PALM2AKAP2: variants seen among roughly 807,000 people sequenced by gnomAD.
The protein encoded by PALM2AKAP2 is PALM2-AKAP2 fusion protein.
Under a neutral mutation model 71.5 loss-of-function variants are expected in PALM2AKAP2, and 37 were observed. That is an observed-to-expected ratio of 0.52 (90% confidence interval 0.40 to 0.68). The LOEUF (loss-of-function observed/expected upper bound fraction) is 0.68, where lower values mean the gene tolerates loss of function less well. PALM2AKAP2 is among the 30% of genes least tolerant of loss of function. The pLI, the probability that PALM2AKAP2 is intolerant of heterozygous loss-of-function variation, is 0.00. For synonymous variants in PALM2AKAP2, 468 were observed against 478.8 expected (o/e 0.98, Z 0.29); for missense variants, 1,224 against 1,191.8 (o/e 1.03, Z -0.40).
chr9:109,698,370 C>T lies in PALM2AKAP2; in HGVS notation c.5+57504C>T, dbSNP rs549452891. Among the ~76,000 whole-genome samples, 10 of 151,118 alleles carry T rather than the reference C, an allele frequency of 6.6e-5. No individual in the cohort carries two copies. The East Asian group carries it at 1.2e-3, about 18-fold the overall frequency. On this transcript the variant is annotated intron_variant, in intron 1 of 6. Coordinates refer to the PALM2AKAP2 transcript ENST00000374531. ...TCAGCTTGCAGCAACCTCCGCCTCTCGGGTTCAAGCGATTCTTGTGCCTCA... is the reference window on the plus strand; with the variant it reads ...TCAGCTTGCAGCAACCTCCGCCTCTTGGGTTCAAGCGATTCTTGTGCCTCA...
intron 1 of PALM2AKAP2, among the ~76,000 whole-genome samples, chr9:109,727,231 CTT>C (rs1258921972): frequency 2.0e-5 from 3 of 152,152 alleles, no homozygotes; most frequent in Non-Finnish European, 4.4e-5. Flanking sequence ...TGGCCATATG[CTT>C]TAAGTCTTCT....
intron 1 of PALM2AKAP2, among the ~76,000 whole-genome samples, chr9:110,121,374 G>C (rs917173063): frequency 6.6e-6 from 1 of 152,220 alleles, no homozygotes; most frequent in African/African-American, 2.4e-5. Context: ...GACAAGACTG[G>C]GCATGTGAGG....
chr9:110,011,457 AC>A (rs1487399722), intron 6 of PALM2AKAP2, among the ~76,000 whole-genome samples: 1 of 152,312 alleles, frequency 6.6e-6, no homozygotes, highest in Non-Finnish European at 1.5e-5. Flanking sequence ...CGGAACTCAA[AC>A]ATGAAAGCTG....
At chr9:110,051,730 A>G (rs1371327631) in intron 1 of PALM2AKAP2, among the ~76,000 whole-genome samples, 1 of 152,202 alleles carries the variant, frequency 6.6e-6, no homozygotes, top group African/African-American at 2.4e-5. Flanking sequence ...AGTAGAATTG[A>G]TGCTGTATCT....
intron 5 of PALM2AKAP2, among the ~76,000 whole-genome samples, chr9:109,927,693 A>C (rs975375359): frequency 2.0e-5 from 3 of 152,060 alleles, no homozygotes; most frequent in African/African-American, 7.2e-5. Context: ...AGAACAATTT[A>C]TTCTATTCTT....
At chr9:109,999,156 A>T (rs1227073211) in intron 6 of PALM2AKAP2, among the ~76,000 whole-genome samples, 2 of 151,904 alleles carry the variant, frequency 1.3e-5, no homozygotes, top group Non-Finnish European at 2.9e-5. Context: ...CTGGCCAACA[A>T]GGCGAAATCC....
chr9:109,893,794 G>A (rs765040250), intron 3 of PALM2AKAP2, among the ~76,000 whole-genome samples: 6 of 152,108 alleles, frequency 3.9e-5, no homozygotes, highest in African/African-American at 1.2e-4. Context: ...ATGAGAACAC[G>A]TGGACACGTG....
chr9:109,840,825 C>G (rs1225059667), intron 1 of PALM2AKAP2, among the ~76,000 whole-genome samples: 1 of 152,198 alleles, frequency 6.6e-6, no homozygotes, highest in Non-Finnish European at 1.5e-5. Flanking sequence ...GAGATACCAT[C>G]TCATACCAGT....
chr9:110,096,938 T>A (rs958380681), intron 1 of PALM2AKAP2, among the ~76,000 whole-genome samples: 2 of 92,118 alleles, frequency 2.2e-5, no homozygotes, highest in African/African-American at 1.5e-4. Context: ...TTTTATTTAT[T>A]TATTTATTTA....
intron 6 of PALM2AKAP2, among the ~76,000 whole-genome samples, chr9:109,948,141 A>G (rs1252797512): frequency 1.3e-5 from 2 of 152,228 alleles, no homozygotes; most frequent in East Asian, 1.9e-4. Context: ...GAAAAAGAAA[A>G]GTCGTTTATT....
chr9:110,021,756 A>AG (rs398011834), intron 7 of PALM2AKAP2, among the ~76,000 whole-genome samples: 3 of 151,618 alleles, frequency 2.0e-5, no homozygotes, highest in Non-Finnish European at 4.4e-5. Flanking sequence ...AAAAAAAAAA[A>AG]CAGGTATGGA....
At chr9:110,036,749 C>T (rs1833418152) in intron 7 of PALM2AKAP2, among the ~76,000 whole-genome samples, 1 of 152,154 alleles carries the variant, frequency 6.6e-6, no homozygotes, top group Non-Finnish European at 1.5e-5. Context: ...AGTCTTCTCT[C>T]ACCCCTCCTT....
At position 109,932,172 on chromosome 9, in the gene PALM2AKAP2, C is replaced by T. The variant is rs7020992; in HGVS notation, c.496+144C>T. 1.4e-3 allele frequency: 1,284 copies of T among 896,986 alleles called. 14 individuals are homozygous for T. In the African/African-American group the frequency reaches 0.02, roughly 14 times the overall value. The allele number at this position is 896,986 out of a possible 1,614,324, so 55.6% of individuals were successfully genotyped here. The stretch of plus-strand genomic sequence containing the variant: ...GCCTCAGATGCAGCCTTCACAGTGG[C>T]CACACAAGGCAGGCACCGGCCCCAG... On this transcript the variant is annotated intron_variant, in intron 6 of 9. Coordinates refer to the PALM2AKAP2 transcript ENST00000302798.
At chr9:109,681,441 T>A (rs1242013857) in intron 1 of PALM2AKAP2, among the ~76,000 whole-genome samples, 1 of 152,218 alleles carries the variant, frequency 6.6e-6, no homozygotes, top group Non-Finnish European at 1.5e-5. Flanking sequence ...GGTTTATGTG[T>A]GGTAAGCCAG....
intron 1 of PALM2AKAP2, among the ~76,000 whole-genome samples, chr9:110,116,149 A>G (rs1173563225): frequency 6.6e-6 from 1 of 152,220 alleles, no homozygotes; most frequent in Non-Finnish European, 1.5e-5. Context: ...TAGGAATCCC[A>G]TACATAATCA....
rs148442257 is a variant in PALM2AKAP2, at chr9:110,152,917, G to A, written c.2570-3402G>A. On this transcript the variant is annotated intron_variant, in intron 2 of 3. Transcript: ENST00000374525. ...CTTGATACTGACCAGAATGATGGCC[G>A]GAAGTCTGGGGATGAGGCATAGTGT... Among the ~76,000 whole-genome samples the A allele has an allele frequency of 1.8e-3, 279 of 152,270 alleles. 1 individual carries two copies. The highest frequency in any genetic ancestry group is 0.014 in the Middle Eastern group (4 of 294).
At chr9:110,068,847 AAG>A (rs1357848540) in intron 1 of PALM2AKAP2, among the ~76,000 whole-genome samples, 1 of 152,124 alleles carries the variant, frequency 6.6e-6, no homozygotes, top group African/African-American at 2.4e-5. Context: ...ACTTTCTTAA[AAG>A]AGAACTTCTT....
intron 6 of PALM2AKAP2, among the ~76,000 whole-genome samples, chr9:109,947,306 T>C (rs1831531396): frequency 6.6e-6 from 1 of 152,256 alleles, no homozygotes; most frequent in Non-Finnish European, 1.5e-5. Context: ...TTGTTTTGGT[T>C]AAAGTCAAGT....
chr9:109,690,298 T>C (rs1827864741), intron 1 of PALM2AKAP2, among the ~76,000 whole-genome samples: 1 of 152,208 alleles, frequency 6.6e-6, no homozygotes, highest in Admixed American at 6.5e-5. Flanking sequence ...TAAATATATC[T>C]TGATAATTAT....
Sources: gnomAD v4.1 joint callset for allele counts (sites outside exome capture counted in the v4.1 genomes callset) on GRCh38, gnomAD v4.1.1 for gene constraint, MANE v1.5 for transcripts, NCBI Gene and HGNC (gene_info 2026-07-23, HGNC 2026-07-21) for gene names.